Variants in CDH12 observed in about 807,000 individuals in gnomAD.
CDH12 encodes cadherin 12, also known as cadherin-12.
Under a neutral mutation model 74.1 loss-of-function variants are expected in CDH12, and 41 were observed. The ratio of observed to expected loss-of-function variants is 0.55; its 90% CI spans 0.43 to 0.72. The LOEUF (loss-of-function observed/expected upper bound fraction) is 0.72, where lower values mean the gene tolerates loss of function less well. CDH12 is among the 30% of genes least tolerant of loss of function. The probability of loss-of-function intolerance (pLI) is 0.00; values close to 1 mark genes in which losing one functional copy is unlikely to be tolerated. For missense variants in CDH12, 945 were observed against 977.2 expected (o/e 0.97, Z 0.44); for synonymous variants, 399 against 355.0 (o/e 1.12, Z -1.39).
intron 4 of CDH12, among the ~76,000 whole-genome samples, chr5:22,172,900 A>T (rs1226769363): frequency 6.7e-6 from 1 of 149,836 alleles, no homozygotes; most frequent in Non-Finnish European, 1.5e-5. Context: ...TTTTCTCCTA[A>T]TTTTGTAATT....
At chr5:22,699,085 T>G (rs2126956865) in intron 1 of CDH12, among the ~76,000 whole-genome samples, 1 of 152,194 alleles carries the variant, frequency 6.6e-6, no homozygotes, top group African/African-American at 2.4e-5. Flanking sequence ...CTATAAGCAC[T>G]TACATAGTTC....
At chr5:22,443,426 C>A (rs556200605) in intron 2 of CDH12, among the ~76,000 whole-genome samples, 1 of 152,124 alleles carries the variant, frequency 6.6e-6, no homozygotes, top group Admixed American at 6.6e-5. Flanking sequence ...AGTAGTATAT[C>A]AATTACGTAA....
At chr5:22,608,468 C>A (rs749234208) in intron 1 of CDH12, among the ~76,000 whole-genome samples, 1 of 152,106 alleles carries the variant, frequency 6.6e-6, no homozygotes, top group Non-Finnish European at 1.5e-5. Flanking sequence ...ATTTTACAGG[C>A]TCATAGGTGG....
intron 2 of CDH12, among the ~76,000 whole-genome samples, chr5:22,419,515 G>T (rs1186685246): frequency 6.6e-6 from 1 of 152,142 alleles, no homozygotes; most frequent in Admixed American, 6.5e-5. Context: ...ATTCCATGGT[G>T]TATATGTACC....
At chr5:22,423,984 C>CA (rs1743774274) in intron 2 of CDH12, among the ~76,000 whole-genome samples, 1 of 102,240 alleles carries the variant, frequency 9.8e-6, no homozygotes, top group African/African-American at 4.0e-5. Context: ...GCCTGGGCGA[C>CA]AGAGCGAGAC....
At chr5:22,633,178 C>T (rs1423905588) in intron 1 of CDH12, among the ~76,000 whole-genome samples, 1 of 151,674 alleles carries the variant, frequency 6.6e-6, no homozygotes, top group Non-Finnish European at 1.5e-5. Context: ...AGTAGAATAC[C>T]CACAAAAACC....
At chr5:22,363,071 TATA>T (rs1257603234) in intron 3 of CDH12, among the ~76,000 whole-genome samples, 1 of 151,992 alleles carries the variant, frequency 6.6e-6, no homozygotes, top group African/African-American at 2.4e-5. Context: ...CCCTAGAACT[TATA>T]ATAATAAAAA....
chr5:22,029,431 C>G (rs981133206), intron 5 of CDH12, among the ~76,000 whole-genome samples: 1 of 151,786 alleles, frequency 6.6e-6, no homozygotes, highest in Non-Finnish European at 1.5e-5. Flanking sequence ...AAACAAACAA[C>G]CCCATCAAAA....
At chr5:22,513,544 C>T (rs1026132517) in intron 1 of CDH12, among the ~76,000 whole-genome samples, 24 of 152,312 alleles carry the variant, frequency 1.6e-4, no homozygotes, top group African/African-American at 5.8e-4. Context: ...GAAGGTTATA[C>T]AGACCTTTGC....
chr5:22,134,847 T>C (rs367720593), intron 4 of CDH12, among the ~76,000 whole-genome samples: 1 of 150,662 alleles, frequency 6.6e-6, no homozygotes, highest in African/African-American at 2.4e-5. Context: ...ATTTCATTAT[T>C]AATTACAGCA....
chr5:22,306,934 G>A (rs1360467111), intron 3 of CDH12, among the ~76,000 whole-genome samples: 1 of 152,138 alleles, frequency 6.6e-6, no homozygotes, highest in Non-Finnish European at 1.5e-5. Flanking sequence ...GTTTCTGTGA[G>A]TGTTTTATTA....
intron 1 of CDH12, among the ~76,000 whole-genome samples, chr5:22,810,165 C>T (rs1039894253): frequency 3.9e-5 from 6 of 151,918 alleles, no homozygotes; most frequent in Admixed American, 3.9e-4. Context: ...TGTTGAAGTC[C>T]AAAGGAAATT....
At chr5:21,990,326 C>T (rs1004620575) in intron 5 of CDH12, among the ~76,000 whole-genome samples, 2 of 152,172 alleles carry the variant, frequency 1.3e-5, no homozygotes, top group African/African-American at 2.4e-5. Context: ...GTGTATACAA[C>T]ATAAAAAGAG....
At chr5:22,786,262 G>A (rs1747619023) in intron 1 of CDH12, among the ~76,000 whole-genome samples, 1 of 152,186 alleles carries the variant, frequency 6.6e-6, no homozygotes, top group Admixed American at 6.5e-5. Flanking sequence ...GGAGCCAAGT[G>A]ATGAGAACAC....
intron 3 of CDH12, among the ~76,000 whole-genome samples, chr5:22,371,969 T>C (rs1336085276): frequency 2.6e-5 from 4 of 152,204 alleles, no homozygotes; most frequent in Non-Finnish European, 5.9e-5. Flanking sequence ...AACATGATGA[T>C]ATTTTTATTC....
At chr5:22,194,955 G>A (rs554144444) in intron 4 of CDH12, among the ~76,000 whole-genome samples, 24 of 152,262 alleles carry the variant, frequency 1.6e-4, no homozygotes, top group African/African-American at 5.5e-4. Context: ...AAATAGCCAG[G>A]AGAGAAATCA....
Position 21,924,512 on chromosome 5 carries a change from A to G in CDH12, c.526+50579T>C, listed in dbSNP as rs181355781. On this transcript the variant is annotated intron_variant, in intron 6 of 14. Transcript: ENST00000382254. ...GCCTGGGCAACAAGAGCCAAACTGC[A>G]TCTCAATAAATAAATACATGAATAC... is the stretch of plus-strand genomic sequence containing the variant. Among the ~76,000 whole-genome samples the G allele has an allele frequency of 2.7e-4, 38 of 141,978 alleles. 1 individual carries two copies. The highest frequency in any genetic ancestry group is 2.2e-3 in the South Asian group (9 of 4,180). 93.1% of individuals were successfully genotyped at this position (141,978 alleles called of 152,430 possible).
In CDH12 at chr5:22,610,060, C is replaced by T. The variant is rs1737319527; in HGVS notation, c.-522-104696G>A. 2.0e-5 allele frequency among the ~76,000 whole-genome samples: 3 copies of T among 152,334 alleles called. No individual in the cohort carries two copies. The South Asian group carries it at 6.2e-4, about 32-fold the overall frequency. ...TGCTAAACTACAACTGCAAACACTCCCTATATAGTTGTTCATGTGACTAAG... is the reference window on the plus strand; with the variant it reads ...TGCTAAACTACAACTGCAAACACTCTCTATATAGTTGTTCATGTGACTAAG... On this transcript the variant is annotated intron_variant, in intron 1 of 14. Transcript: ENST00000382254.
At chr5:22,009,888 G>C (rs1452603323) in intron 5 of CDH12, among the ~76,000 whole-genome samples, 1 of 124,894 alleles carries the variant, frequency 8.0e-6, no homozygotes, top group South Asian at 2.7e-4. Context: ...TGAGGCAGGA[G>C]AATTGCTTGA....
Sources: gnomAD v4.1 joint callset for allele counts (sites outside exome capture counted in the v4.1 genomes callset) on GRCh38, gnomAD v4.1.1 for gene constraint, MANE v1.5 for transcripts, NCBI Gene and HGNC (gene_info 2026-07-23, HGNC 2026-07-21) for gene names.